The following WDFY4 variants were observed in gnomAD, a reference collection of about 807,000 sequenced individuals.
WDFY4 encodes the protein WD repeat- and FYVE domain-containing protein 4.
Under a neutral mutation model 351.9 loss-of-function variants are expected in WDFY4, and 169 were observed. That is an observed-to-expected ratio of 0.48 (90% CI 0.42 to 0.55). The LOEUF (loss-of-function observed/expected upper bound fraction) is 0.55. WDFY4 is among the 20% of genes least tolerant of loss of function. The pLI is 0.00. For synonymous variants in WDFY4, 1,622 were observed against 1,574.6 expected (o/e 1.03, Z -0.71); for missense variants, 3,803 against 3,935.6 (o/e 0.97, Z 0.90).
intron 39 of WDFY4, among the ~76,000 whole-genome samples, chr10:48,862,238 A>T (rs2069369688): frequency 6.6e-6 from 1 of 151,950 alleles, no homozygotes; most frequent in Admixed American, 6.6e-5. Context: ...ATGTTATGAG[A>T]CTCTGGATTT....
intron 1 of WDFY4, among the ~76,000 whole-genome samples, chr10:48,698,114 G>A (rs1403127531): frequency 1.3e-5 from 2 of 152,158 alleles, no homozygotes; most frequent in African/African-American, 2.4e-5. Context: ...CCATCTCTTG[G>A]TGTCTCCCAG....
At chr10:48,952,855 T>C (rs1050459307) in intron 51 of WDFY4, among the ~76,000 whole-genome samples, 1 of 152,230 alleles carries the variant, frequency 6.6e-6, no homozygotes, top group African/African-American at 2.4e-5. Flanking sequence ...GAGGGTCCTA[T>C]GCCTTTAGCT....
chr10:48,782,856 A>T (rs946783743), intron 19 of WDFY4, among the ~76,000 whole-genome samples: 12 of 152,210 alleles, frequency 7.9e-5, no homozygotes, highest in African/African-American at 2.9e-4. Flanking sequence ...TTAGACATTT[A>T]TTAGGCAACC....
intron 39 of WDFY4, among the ~76,000 whole-genome samples, chr10:48,853,961 C>T (rs543393103): frequency 6.6e-6 from 1 of 152,308 alleles, no homozygotes; most frequent in African/African-American, 2.4e-5. Flanking sequence ...ACTTTGAACC[C>T]TGGAATGGAG....
chr10:48,699,514 G>A (rs183387370), intron 1 of WDFY4, among the ~76,000 whole-genome samples: 2 of 152,274 alleles, frequency 1.3e-5, no homozygotes. Flanking sequence ...AACCTCAGAG[G>A]GAGAGTGGTG....
chr10:48,693,485 T>C (rs1462377062), intron 1 of WDFY4, among the ~76,000 whole-genome samples: 2 of 152,248 alleles, frequency 1.3e-5, no homozygotes, highest in Admixed American at 1.3e-4. Flanking sequence ...CTTCGGCACG[T>C]TGAATAATTA....
chr10:48,740,165 A>G (rs1009175788), intron 11 of WDFY4, among the ~76,000 whole-genome samples: 1 of 152,198 alleles, frequency 6.6e-6, no homozygotes, highest in Non-Finnish European at 1.5e-5. Context: ...AGTCTGTTTA[A>G]CATTGTAGAG....
In WDFY4 at chr10:48,820,322, C is replaced by G. The variant is rs1361196273; in HGVS notation, c.5594C>G (p.Thr1865Ser). 1.3e-6 allele frequency: 2 copies of G among 1,551,510 alleles called. No individual in the cohort carries two copies. The highest frequency in any genetic ancestry group is 1.7e-6 in the Non-Finnish European group (2 of 1,146,994). Residue 1865 changes from threonine to serine, a missense_variant, in exon 33 of 62, where the codon ACC (threonine) becomes AGC (serine). By Grantham distance (58) the Thr-to-Ser change is moderately conservative (BLOSUM62 1). This residue lies in a region of WDFY4 where 3,054 missense variants were observed against 3,148.6 expected (regional missense o/e 0.97). Transcript: ENST00000325239. ...ACAGTGGAGGGTCTCCAGGCTCCCA[C>G]CAAGGCACATCCCGCCCGGAGGAAG... ...DSTVEGLQAP[T>S]KAHPARRKLR...
At chr10:48,895,142 G>T (rs775598571) in intron 44 of WDFY4, among the ~76,000 whole-genome samples, 1 of 152,244 alleles carries the variant, frequency 6.6e-6, no homozygotes, top group African/African-American at 2.4e-5. Context: ...GGCTCAGGCT[G>T]TGTCTCACTT....
At chr10:48,940,651 G>A (rs368249108) in intron 47 of WDFY4, among the ~76,000 whole-genome samples, 22 of 152,252 alleles carry the variant, frequency 1.4e-4, no homozygotes, top group African/African-American at 4.8e-4. Context: ...TGGAGAGAAC[G>A]GATATGATTT....
rs748560298 is a variant in WDFY4, at chr10:48,913,495, G to A, written c.7586+11632G>A. On this transcript the variant is annotated intron_variant, in intron 47 of 61. Coordinates refer to ENST00000325239, the MANE Select transcript of WDFY4 (RefSeq NM_001394531.1). The stretch of plus-strand genomic sequence containing the variant: ...GTGGCCATGTTCTTGATTCTATTCA[G>A]GTTGTCCCGGGCGTTTTGGCATTTT... The A allele has an allele frequency of 2.5e-6, 4 of 1,613,710 alleles. No individual in the cohort carries two copies. The African/African-American group carries it at 5.3e-5, about 22-fold the overall frequency.
At chr10:48,752,865 C>CT (rs1262252190) in intron 12 of WDFY4, among the ~76,000 whole-genome samples, 5 of 152,068 alleles carry the variant, frequency 3.3e-5, no homozygotes, top group African/African-American at 9.7e-5. Flanking sequence ...TATTTGAGTA[C>CT]TTGTTTTGAA....
At chr10:48,868,856 A>C (rs1306272746) in intron 40 of WDFY4, among the ~76,000 whole-genome samples, 1 of 152,086 alleles carries the variant, frequency 6.6e-6, no homozygotes, top group Non-Finnish European at 1.5e-5. Flanking sequence ...TTCTGTTGAG[A>C]TCTGTGAGAT....
At chr10:48,727,298 T>A (rs1283434810) in intron 6 of WDFY4, among the ~76,000 whole-genome samples, 172 bp from the exon 7 acceptor site, 1 of 152,216 alleles carries the variant, frequency 6.6e-6, no homozygotes. Flanking sequence ...GCTGTCAGGA[T>A]GGCACTTTCT....
In WDFY4 at chr10:48,731,483, C is replaced by T. The variant is rs560611499; in HGVS notation, c.1503C>T (p.Thr501=). The change falls in exon 9 of 62, where the codon ACC becomes ACT. Residue 501 remains threonine (T), a synonymous_variant. Transcript: ENST00000325239. The part of the protein sequence containing the change: ...LSIAGGDPLF[T]DIFRDSGLLG... ...TCGCTGGTGGGGACCCCCTCTTCAC[C>T]GACATCTTCCGGGACTCAGGGCTCC... 1.6e-4 allele frequency: 249 copies of T among 1,551,648 alleles called. 1 individual carries two copies. The East Asian group carries it at 5.3e-3, about 33-fold the overall frequency.
At chr10:48,961,268 G>A (rs1038742465) in intron 53 of WDFY4, among the ~76,000 whole-genome samples, 1 of 152,212 alleles carries the variant, frequency 6.6e-6, no homozygotes, top group Admixed American at 6.5e-5. Flanking sequence ...GAATGTAACT[G>A]CAGGCAGCAG....
chr10:48,928,752 C>T (rs999654338), intron 47 of WDFY4, among the ~76,000 whole-genome samples: 2 of 152,192 alleles, frequency 1.3e-5, no homozygotes, highest in African/African-American at 4.8e-5. Flanking sequence ...GCTCGCAGCC[C>T]TGTGGCAGCT....
chr10:48,733,877 C>T (rs1386164957), intron 9 of WDFY4, 54 bp from the exon 10 acceptor site: 38 of 1,472,014 alleles, frequency 2.6e-5, no homozygotes, highest in East Asian at 1.7e-4. Context: ...CAGAGATTTG[C>T]GGTCATACCA....
rs1436212685 is a variant in WDFY4 at position 48,877,179 on chromosome 10, G to A, written c.7147G>A (p.Glu2383Lys). Residue 2383 changes from glutamate (E) to lysine (K), a missense_variant, in exon 43 of 62, where the codon GAG becomes AAG. Physicochemically the swap from Glu to Lys is moderately conservative, Grantham distance 56. This residue lies in a region of WDFY4 where 3,054 missense variants were observed against 3,148.6 expected (regional missense o/e 0.97). Coordinates refer to ENST00000325239, the MANE Select transcript of WDFY4 (RefSeq NM_001394531.1). ...LCRERQVILQ[E>K]LLDKEKVTQK... ...TCGGGAAAGACAAGTTATTTTACAA[G>A]AGCTTCTTGATAAAGAAAAGGTAAT... 1 of 1,551,574 alleles carries A rather than the reference G, an allele frequency of 6.4e-7. No homozygotes were observed. The highest frequency in any genetic ancestry group is 8.7e-7 in the Non-Finnish European group (1 of 1,146,926).
Sources: gnomAD v4.1 joint callset for allele counts (sites outside exome capture counted in the v4.1 genomes callset) on GRCh38, gnomAD v4.1.1 for gene constraint, gnomAD v4.1.1 regional missense constraint, MANE v1.5 for transcripts, NCBI Gene and HGNC (gene_info 2026-07-23, HGNC 2026-07-21) for gene names.